GLIS3: variants seen among roughly 807,000 people sequenced by gnomAD.
GLIS3 encodes the protein GLIS family zinc finger 3, also known as zinc finger protein GLIS3.
Under a neutral mutation model 78.6 loss-of-function variants are expected in GLIS3, and 53 were observed. The ratio of observed to expected loss-of-function variants is 0.67; its 90% CI spans 0.54 to 0.85. The LOEUF is 0.85. Ranked by LOEUF, GLIS3 falls within the 40% of genes least tolerant of loss-of-function variation. The probability of loss-of-function intolerance (pLI) is 0.00; values close to 1 mark genes in which losing one functional copy is unlikely to be tolerated. For synonymous variants in GLIS3, 684 were observed against 509.9 expected (o/e 1.34, Z -4.60); for missense variants, 1,703 against 1,231.1 (o/e 1.38, Z -5.74).
chr9:4,211,055 G>T (rs922285303), intron 2 of GLIS3, among the ~76,000 whole-genome samples: 2 of 152,150 alleles, frequency 1.3e-5, no homozygotes, highest in African/African-American at 2.4e-5. Context: ...GATTTCCTAC[G>T]GATTAAACAG....
intron 2 of GLIS3, among the ~76,000 whole-genome samples, chr9:4,199,843 C>T (rs369423291): frequency 4.0e-5 from 6 of 151,854 alleles, no homozygotes; most frequent in South Asian, 2.1e-4. Context: ...TCACCTTCAA[C>T]GAAAGAATAT....
intron 4 of GLIS3, among the ~76,000 whole-genome samples, chr9:4,037,243 G>A (rs556756566): frequency 2.0e-5 from 3 of 152,278 alleles, no homozygotes; most frequent in Admixed American, 2.0e-4. Context: ...TCGTAGCACA[G>A]GAGCCTAGCA....
At chr9:3,896,637 G>T in intron 7 of GLIS3, among the ~76,000 whole-genome samples, 1 of 121,728 alleles carries the variant, frequency 8.2e-6, no homozygotes. Context: ...CTGCAGTCCA[G>T]CCTGGTTGAC....
At chr9:3,856,955 C>G (rs1436327327) in intron 8 of GLIS3, among the ~76,000 whole-genome samples, 2 of 152,226 alleles carry the variant, frequency 1.3e-5, no homozygotes, top group Non-Finnish European at 2.9e-5. Context: ...GTACATTGAT[C>G]TTCCAATTGT....
At chr9:4,050,237 C>T (rs1274202152) in intron 4 of GLIS3, among the ~76,000 whole-genome samples, 3 of 152,146 alleles carry the variant, frequency 2.0e-5, no homozygotes, top group Non-Finnish European at 4.4e-5. Context: ...GAAAATGTGG[C>T]ACATATACCC....
At chr9:3,924,869 A>G (rs1825120251) in intron 6 of GLIS3, among the ~76,000 whole-genome samples, 1 of 152,332 alleles carries the variant, frequency 6.6e-6, no homozygotes, top group South Asian at 2.1e-4. Context: ...ACAAAATTTA[A>G]TAAGAGAAAG....
intron 2 of GLIS3, among the ~76,000 whole-genome samples, chr9:4,313,981 A>C (rs1229875666): frequency 6.6e-6 from 1 of 152,218 alleles, no homozygotes; most frequent in Non-Finnish European, 1.5e-5. Flanking sequence ...CAAAATCAAT[A>C]AATCAGGTAG....
At chr9:4,197,320 C>T (rs1818956511) in intron 2 of GLIS3, among the ~76,000 whole-genome samples, 5 of 152,130 alleles carry the variant, frequency 3.3e-5, no homozygotes, top group Admixed American at 2.6e-4. Context: ...ACCCACTTGC[C>T]TGGATCAGTA....
At chr9:4,193,534 A>T (rs1414416329) in intron 2 of GLIS3, among the ~76,000 whole-genome samples, 1 of 152,214 alleles carries the variant, frequency 6.6e-6, no homozygotes, top group African/African-American at 2.4e-5. Flanking sequence ...CAGCTGAGAA[A>T]ATGACACACG....
At chr9:4,075,385 G>C (rs902981729) in intron 4 of GLIS3, among the ~76,000 whole-genome samples, 3 of 145,600 alleles carry the variant, frequency 2.1e-5, no homozygotes, top group Non-Finnish European at 3.0e-5. Context: ...TGGCTAACAA[G>C]GTGAAACCCG....
chr9:3,927,807 C>T (rs1825353783), intron 6 of GLIS3, among the ~76,000 whole-genome samples: 1 of 152,190 alleles, frequency 6.6e-6, no homozygotes, highest in Non-Finnish European at 1.5e-5. Flanking sequence ...ATTGGGTCTA[C>T]CTAAAAGGGA....
At chr9:4,113,431 C>A (rs1831389298) in intron 4 of GLIS3, among the ~76,000 whole-genome samples, 1 of 152,140 alleles carries the variant, frequency 6.6e-6, no homozygotes, top group South Asian at 2.1e-4. Context: ...AGTGGTTACA[C>A]CAATTTAGTC....
rs115168141 is a variant in GLIS3 at position 4,134,407 on chromosome 9, T to G, written c.389-8466A>C. Among the ~76,000 whole-genome samples the G allele has an allele frequency of 5.3e-3, 808 of 152,250 alleles. 9 individuals are homozygous for G. The highest frequency in any genetic ancestry group is 0.019 in the African/African-American group (770 of 41,544). ...AGTCCCAGATGCTATTGGAAAATAT[T>G]TTTATTTTGCATGGGAAATGGTGGC... On this transcript the variant is annotated intron_variant, in intron 2 of 10. Coordinates refer to ENST00000381971, the MANE Select transcript of GLIS3 (RefSeq NM_001042413.2).
chr9:4,397,017 T>C, the GLIS3 span, among the ~76,000 whole-genome samples: 17,084 of 143,484 alleles, frequency 0.12, 1,153 homozygotes, highest in African/African-American at 0.17. Flanking sequence ...TCCTTTTTTC[T>C]TTTTTTCTTT....
At chr9:3,953,352 T>C (rs1426682074) in intron 4 of GLIS3, among the ~76,000 whole-genome samples, 1 of 152,224 alleles carries the variant, frequency 6.6e-6, no homozygotes, top group Non-Finnish European at 1.5e-5. Flanking sequence ...CTTTATCTCT[T>C]AGGATTTCTT....
rs143977411 is a variant in GLIS3 at position 3,970,803 on chromosome 9, T to G, written c.1711-33614A>C. On this transcript the variant is annotated intron_variant, in intron 4 of 10. Transcript: ENST00000381971. The stretch of plus-strand genomic sequence containing the variant: ...AAATATCCTAGTGTGAAGCTGGCAA[T>G]TGAAGAGAGAAGGATGAGAAGATGA... 2.0e-5 allele frequency among the ~76,000 whole-genome samples: 3 copies of G among 152,060 alleles called. No individual in the cohort carries two copies. The East Asian group carries it at 5.8e-4, about 29-fold the overall frequency.
intron 9 of GLIS3, chr9:3,855,600 C>T: frequency 3.7e-6 from 1 of 271,464 alleles, no homozygotes. Context: ...TGTCATTCCA[C>T]CTGCGCCTTG....
intron 2 of GLIS3, among the ~76,000 whole-genome samples, chr9:4,181,101 G>C (rs1161222210): frequency 6.6e-6 from 1 of 152,228 alleles, no homozygotes; most frequent in Non-Finnish European, 1.5e-5. Flanking sequence ...GCAGATGCCT[G>C]GCAGCCAGCC....
intron 2 of GLIS3, among the ~76,000 whole-genome samples, chr9:4,285,176 G>A (rs1006782892): frequency 6.6e-6 from 1 of 152,080 alleles, no homozygotes; most frequent in African/African-American, 2.4e-5. Context: ...ATACCTTAAG[G>A]AATATATAAT....
Sources: gnomAD v4.1 joint callset for allele counts (sites outside exome capture counted in the v4.1 genomes callset) on GRCh38, gnomAD v4.1.1 for gene constraint, MANE v1.5 for transcripts, NCBI Gene and HGNC (gene_info 2026-07-23, HGNC 2026-07-21) for gene names.